Variants in RUNX1 observed in about 807,000 individuals in gnomAD.
RUNX1 encodes RUNX family transcription factor 1, also known as runt-related transcription factor 1.
A neutral mutation model predicts 42.8 loss-of-function variants in RUNX1; 19 were observed. That is an observed-to-expected ratio of 0.44 (90% CI 0.31 to 0.65). The LOEUF (loss-of-function observed/expected upper bound fraction) is 0.65. Ranked by LOEUF, RUNX1 falls within the 30% of genes least tolerant of loss-of-function variation. The probability of loss-of-function intolerance (pLI) is 0.07; values close to 1 mark genes in which losing one functional copy is unlikely to be tolerated. For synonymous variants in RUNX1, 271 were observed against 289.4 expected (o/e 0.94, Z 0.64); for missense variants, 528 against 672.0 (o/e 0.79, Z 2.37).
At chr21:35,025,402 C>T (rs972085788) in intron 2 of RUNX1, among the ~76,000 whole-genome samples, 1 of 152,156 alleles carries the variant, frequency 6.6e-6, no homozygotes, top group Non-Finnish European at 1.5e-5. Flanking sequence ...GAGCAGCATC[C>T]TATCTGCTCC....
At chr21:34,806,126 G>A (rs1366749006) in intron 7 of RUNX1, among the ~76,000 whole-genome samples, 1 of 152,138 alleles carries the variant, frequency 6.6e-6, no homozygotes, top group Non-Finnish European at 1.5e-5. Context: ...TGATACTACT[G>A]CAGTTATATT....
intron 2 of RUNX1, among the ~76,000 whole-genome samples, chr21:35,047,864 C>T (rs1299215990): frequency 2.0e-5 from 3 of 152,142 alleles, no homozygotes; most frequent in Non-Finnish European, 4.4e-5. Flanking sequence ...GTGCGTGCCC[C>T]GACGCACACG....
rs180849496 is a variant in RUNX1 at position 34,795,704 on chromosome 21, C to T, written c.968-3094G>A. Among the ~76,000 whole-genome samples, 12 of 152,314 alleles carry T rather than the reference C, an allele frequency of 7.9e-5. No homozygotes were observed. The East Asian group carries it at 2.3e-3, about 29-fold the overall frequency. On this transcript the variant is annotated intron_variant, in intron 8 of 8. Transcript: ENST00000675419. ...CCACACCTCATTCCACAGGGTTCATCCCTGCCCGCTCTTTGGGGCCATCTG... is the reference window on the plus strand; with the variant it reads ...CCACACCTCATTCCACAGGGTTCATTCCTGCCCGCTCTTTGGGGCCATCTG...
chr21:34,844,976 C>A (rs2057295775), intron 6 of RUNX1, among the ~76,000 whole-genome samples: 2 of 152,206 alleles, frequency 1.3e-5, no homozygotes, highest in African/African-American at 4.8e-5. Context: ...CGTTGACCCT[C>A]CCTCACAAAT....
chr21:34,849,693 G>A (rs1404118251), intron 6 of RUNX1, among the ~76,000 whole-genome samples: 1 of 149,624 alleles, frequency 6.7e-6, no homozygotes, highest in Non-Finnish European at 1.5e-5. Context: ...TAGCCATAAT[G>A]TACGGTAATA....
At position 34,791,470 on chromosome 21, in the gene RUNX1, C is replaced by T; in HGVS notation, c.*665G>A. 1 of 231,572 alleles carries T rather than the reference C, an allele frequency of 4.3e-6. No individual in the cohort carries two copies. Among genetic ancestry groups the T allele is most frequent in the Non-Finnish European group, 8.5e-6 (1 of 117,286 alleles). The allele number at this position is 231,572 out of a possible 1,614,324, so 14.3% of individuals were successfully genotyped here. On this transcript the variant is annotated 3_prime_UTR_variant, in exon 9 of 9. Transcript: ENST00000675419. ...AACAAAACAAAAAAAAACAACTACC[C>T]AAAAGTCCAAAAGAAAAGTTAAATA... is the stretch of plus-strand genomic sequence containing the variant.
At chr21:35,027,792 A>G (rs1030209339) in intron 2 of RUNX1, among the ~76,000 whole-genome samples, 1 of 152,238 alleles carries the variant, frequency 6.6e-6, no homozygotes, top group African/African-American at 2.4e-5. Context: ...TGCATCTTGC[A>G]GGTAGAACTC....
At chr21:34,989,370 G>A (rs1011447024) in intron 2 of RUNX1, among the ~76,000 whole-genome samples, 10 of 151,952 alleles carry the variant, frequency 6.6e-5, no homozygotes, top group South Asian at 4.2e-4. Context: ...TTCTTAGTTC[G>A]TACTACAGCT....
intron 2 of RUNX1, among the ~76,000 whole-genome samples, chr21:34,928,224 A>C (rs538349210): frequency 1.3e-5 from 2 of 152,286 alleles, no homozygotes; most frequent in Non-Finnish European, 1.5e-5. Context: ...GTGTAGAGTT[A>C]TGGAACGTTT....
chr21:34,880,254 A>G lies in RUNX1; in HGVS notation c.508+303T>C, dbSNP rs867503058. Among the ~76,000 whole-genome samples the G allele has an allele frequency of 1.3e-3, 199 of 152,382 alleles. 9 individuals carry two copies. The highest frequency in any genetic ancestry group is 1.4e-3 in the South Asian group (7 of 4,832). ...GTAATTGTATAATCCTAGTTTCATT[A>G]AAGTCAGTTTTATATTTTTTGCATT... On this transcript the variant is annotated intron_variant, in intron 5 of 8. Coordinates refer to ENST00000675419, the MANE Select transcript of RUNX1 (RefSeq NM_001754.5).
intron 2 of RUNX1, among the ~76,000 whole-genome samples, chr21:34,923,324 G>A (rs943502958): frequency 1.3e-5 from 2 of 152,174 alleles, no homozygotes; most frequent in Non-Finnish European, 2.9e-5. Context: ...GGCTGTCACT[G>A]TCAGTTAGCT....
Position 34,859,466 on chromosome 21 carries a change from G to A in RUNX1, c.613+8C>T, listed in dbSNP as rs186585782. The A allele has an allele frequency of 1.5e-3, 2,380 of 1,591,676 alleles. 43 individuals are homozygous for A. Among genetic ancestry groups the A allele is most frequent in the Non-Finnish European group, 2.6e-4 (298 of 1,159,552 alleles). On this transcript the variant is annotated splice_region_variant and intron_variant, in intron 6 of 8. Coordinates refer to ENST00000675419, the MANE Select transcript of RUNX1 (RefSeq NM_001754.5). Reference sequence around the variant, plus strand: ...GAGGGTGTACCAGCCCCAAGTGGATGCACTTACTTCGAGGTTCTCGGGGCC... The same window carrying A: ...GAGGGTGTACCAGCCCCAAGTGGATACACTTACTTCGAGGTTCTCGGGGCC...
rs1410029263 is a variant in RUNX1 at position 34,918,734 on chromosome 21, C to A, written c.59-25771G>T. On this transcript the variant is annotated intron_variant, in intron 2 of 8. Transcript: ENST00000675419. Reference sequence around the variant, plus strand: ...ACCATCCTGGCCAACATGGGGAAACCCTGTCTCTATTAAAAATACAAAAAT... The same window carrying A: ...ACCATCCTGGCCAACATGGGGAAACACTGTCTCTATTAAAAATACAAAAAT... Among the ~76,000 whole-genome samples the A allele has an allele frequency of 2.0e-5, 3 of 152,120 alleles. No homozygotes were observed. In the South Asian group the frequency reaches 6.2e-4, roughly 32 times the overall value.
chr21:34,879,721 C>T (rs1272474058), intron 5 of RUNX1, among the ~76,000 whole-genome samples: 1 of 152,018 alleles, frequency 6.6e-6, no homozygotes, highest in Non-Finnish European at 1.5e-5. Context: ...ACTTTTACTA[C>T]TTGTTGCTAT....
intron 2 of RUNX1, among the ~76,000 whole-genome samples, chr21:34,916,731 G>A (rs2058314758): frequency 6.6e-6 from 1 of 152,120 alleles, no homozygotes; most frequent in Admixed American, 6.5e-5. Flanking sequence ...TCACGGAATG[G>A]CACATGTTGG....
chr21:34,968,942 A>G lies in RUNX1; in HGVS notation c.59-75979T>C, dbSNP rs78816512. Among the ~76,000 whole-genome samples, 1,395 of 152,290 alleles carry G rather than the reference A, an allele frequency of 9.2e-3. 20 individuals are homozygous for G. Among genetic ancestry groups the G allele is most frequent in the African/African-American group, 0.032 (1,311 of 41,542 alleles). ...CAGTAACCCCGCCGGCAATTCTGCA[A>G]TAGTTCTTGGAGTGATGAAATCAAG... On this transcript the variant is annotated intron_variant, in intron 2 of 8. Coordinates refer to ENST00000675419, the MANE Select transcript of RUNX1 (RefSeq NM_001754.5).
Position 34,932,462 on chromosome 21 carries a change from C to T in RUNX1, c.59-39499G>A, listed in dbSNP as rs149182680. 1.0e-3 allele frequency among the ~76,000 whole-genome samples: 155 copies of T among 152,258 alleles called. 1 individual carries two copies. The highest frequency in any genetic ancestry group is 1.6e-3 in the Non-Finnish European group (110 of 68,016). On this transcript the variant is annotated intron_variant, in intron 2 of 8. Coordinates refer to ENST00000675419, the MANE Select transcript of RUNX1 (RefSeq NM_001754.5). The stretch of plus-strand genomic sequence containing the variant: ...TGGGTTGTGGGTTCTCCCCTCTAAA[C>T]GACTACTTCCTGCATATCACTTTCC...
At chr21:34,972,783 T>C (rs2146754006) in intron 2 of RUNX1, among the ~76,000 whole-genome samples, 2 of 152,246 alleles carry the variant, frequency 1.3e-5, no homozygotes, top group South Asian at 4.2e-4. Flanking sequence ...CAGGCATCAT[T>C]TGGCAGGCAT....
At chr21:34,859,304 G>A in intron 6 of RUNX1, 170 bp downstream of exon 6, 1 of 642,948 alleles carries the variant, frequency 1.6e-6, no homozygotes. Flanking sequence ...ACAGAAACAA[G>A]CTTTGAGTAG....
Sources: allele counts gnomAD v4.1 joint callset (sites outside exome capture counted in the v4.1 genomes callset), GRCh38; gene constraint gnomAD v4.1.1; transcripts MANE v1.5; gene names NCBI Gene and HGNC (gene_info 2026-07-23, HGNC 2026-07-21).